OR4Q3: variants seen among roughly 807,000 people sequenced by gnomAD.
The protein encoded by OR4Q3 is olfactory receptor family 4 subfamily Q member 3, also known as olfactory receptor 4Q3.
OR4Q3 carries 17 observed loss-of-function variants against 18.8 expected under a neutral mutation model. That is an observed-to-expected ratio of 0.91 (90% CI 0.62 to 1.36). The LOEUF (loss-of-function observed/expected upper bound fraction) is 1.36. OR4Q3 is among the 40% of genes most tolerant of loss of function. OR4Q3 has a pLI of 0.00. For synonymous variants in OR4Q3, 158 were observed against 145.8 expected (o/e 1.08, Z -0.60); for missense variants, 378 against 373.4 (o/e 1.01, Z -0.10).
chr14:19,748,406 T>C, exon 2 of OR4Q3: 3 of 1,473,666 alleles, frequency 2.0e-6, no homozygotes, highest in Admixed American at 1.9e-5. Context: ...AAACACACTC[T>C]TTCTTGGAAG....
In OR4Q3 at chr14:19,747,906, A is replaced by C; in HGVS notation, c.503A>C (p.Gln168Pro). Reference sequence around the variant, plus strand: ...GGGGGTTTTATCCACTCTATCATGCAGGTCATACTAGTCATCCAGCTGCCT... The same window carrying C: ...GGGGGTTTTATCCACTCTATCATGCCGGTCATACTAGTCATCCAGCTGCCT... Residue 168 changes from glutamine to proline, a missense_variant, in exon 2 of 2, where the codon CAG becomes CCG. By Grantham distance (76) the Gln-to-Pro change is moderately conservative. Transcript: ENST00000642117. The C allele has an allele frequency of 3.1e-6, 5 of 1,613,908 alleles. No individual in the cohort carries two copies. The highest frequency in any genetic ancestry group is 2.7e-5 in the African/African-American group (2 of 74,940).
exon 2 of OR4Q3, chr14:19,747,451 T>C: frequency 1.2e-6 from 2 of 1,607,218 alleles, no homozygotes; most frequent in Non-Finnish European, 1.7e-6. Context: ...AAGATTCTAA[T>C]GTGACAGAAT....
chr14:19,750,523 TTA>T, downstream of OR4Q3, among the ~76,000 whole-genome samples: 1 of 152,238 alleles, frequency 6.6e-6, no homozygotes, highest in Non-Finnish European at 1.5e-5. Context: ...AGAGAGGCTT[TTA>T]TGATTACTTA....
chr14:19,744,331 A>T (rs1451601348), intron 1 of OR4Q3, among the ~76,000 whole-genome samples: 1 of 152,200 alleles, frequency 6.6e-6, no homozygotes, highest in Non-Finnish European at 1.5e-5. Context: ...CTAATAATGC[A>T]TTTAGCTCCA....
chr14:19,748,005 C>T, exon 2 of OR4Q3: 3 of 1,613,942 alleles, frequency 1.9e-6, no homozygotes, highest in Middle Eastern at 1.6e-4. Context: ...TGCATGGACA[C>T]CTATGTGGTA....
Position 19,747,620 on chromosome 14 carries a change from G to A in OR4Q3, c.217G>A (p.Gly73Ser). 8 of 1,613,960 alleles carry A rather than the reference G, an allele frequency of 5.0e-6. No homozygotes were observed. In the African/African-American group the frequency reaches 5.3e-5, roughly 11 times the overall value. Residue 73 changes from glycine to serine, a missense_variant, in exon 2 of 2, where the codon GGT becomes AGT. Physicochemically the swap from Gly to Ser is moderately conservative, Grantham distance 56. Transcript: ENST00000642117. ...CCAATCTCCTATGTATTATTTTTTA[G>A]GTCATCTCTCTTTCATTGACCTATG...
At chr14:19,743,818 T>A (rs1877369095) in intron 1 of OR4Q3, 147 bp downstream of exon 1, 1 of 152,200 alleles carries the variant, frequency 6.6e-6, no homozygotes, top group South Asian at 2.1e-4. Context: ...ATCATTTGAG[T>A]TTTTTGTTTT....
intron 1 of OR4Q3, among the ~76,000 whole-genome samples, chr14:19,744,886 C>A: frequency 6.6e-6 from 1 of 152,108 alleles, no homozygotes; most frequent in African/African-American, 2.4e-5. Context: ...ACGGAACAGT[C>A]ACAGGCTTAA....
At chr14:19,750,230 C>T, downstream of OR4Q3, among the ~76,000 whole-genome samples, 4 of 152,282 alleles carry the variant, frequency 2.6e-5, no homozygotes, top group African/African-American at 9.6e-5. Context: ...GGTGATCTGC[C>T]TGCCTCAGCC....
chr14:19,751,240 G>A, downstream of OR4Q3, among the ~76,000 whole-genome samples: 13 of 152,302 alleles, frequency 8.5e-5, no homozygotes, highest in Middle Eastern at 3.4e-3. Context: ...CTACTTGATC[G>A]TGGTGAATTA....
At chr14:19,751,153 A>T, downstream of OR4Q3, among the ~76,000 whole-genome samples, 2 of 152,242 alleles carry the variant, frequency 1.3e-5, no homozygotes, top group Non-Finnish European at 1.5e-5. Flanking sequence ...AATTGGTAGC[A>T]TTATTTTAAG....
chr14:19,746,206 T>A, intron 1 of OR4Q3, among the ~76,000 whole-genome samples: 1 of 152,088 alleles, frequency 6.6e-6, no homozygotes, highest in South Asian at 2.1e-4. Context: ...TAAAATTTTG[T>A]CTTATTTCAT....
intron 1 of OR4Q3, among the ~76,000 whole-genome samples, chr14:19,746,154 A>G: frequency 6.6e-6 from 1 of 152,154 alleles, no homozygotes; most frequent in East Asian, 1.9e-4. Flanking sequence ...ATGACTTGAT[A>G]GAACCCAGTG....
chr14:19,746,925 C>A, intron 1 of OR4Q3, among the ~76,000 whole-genome samples: 7 of 152,126 alleles, frequency 4.6e-5, no homozygotes, highest in Non-Finnish European at 8.8e-5. Flanking sequence ...TTATGGTGCA[C>A]ATAGGCATTA....
At chr14:19,748,033 C>A in exon 2 of OR4Q3, 3 of 1,614,024 alleles carry the variant, frequency 1.9e-6, no homozygotes, top group South Asian at 1.1e-5. Context: ...TGGTGATAGC[C>A]AACAGTGGTC....
downstream of OR4Q3, among the ~76,000 whole-genome samples, chr14:19,750,092 C>T: frequency 6.6e-6 from 1 of 152,066 alleles, no homozygotes; most frequent in Non-Finnish European, 1.5e-5. Flanking sequence ...TCAAGTGATC[C>T]TCTTGCCTCA....
Position 19,748,325 on chromosome 14 carries a change from A to G in OR4Q3, c.922A>G (p.Lys308Glu). Reference sequence around the variant, plus strand: ...AAATACTGATATGAAGACAGCTATGAAGAAGCTGAGGATAAAACCATGTGG... The same window carrying G: ...AAATACTGATATGAAGACAGCTATGGAGAAGCTGAGGATAAAACCATGTGG... Residue 308 changes from lysine (K) to glutamate (E), a missense_variant, in exon 2 of 2, where the codon AAG (lysine) becomes GAG (glutamate). By Grantham distance (56) the Lys-to-Glu change is moderately conservative. Transcript: ENST00000642117. 1 of 1,612,872 alleles carries G rather than the reference A, an allele frequency of 6.2e-7. No homozygotes were observed.
At chr14:19,745,323 T>G in intron 1 of OR4Q3, among the ~76,000 whole-genome samples, 2 of 152,216 alleles carry the variant, frequency 1.3e-5, no homozygotes, top group African/African-American at 4.8e-5. Context: ...TATTCTTCCC[T>G]TATTTAATCT....
chr14:19,748,716 G>A, exon 2 of OR4Q3: 1 of 232,222 alleles, frequency 4.3e-6, no homozygotes, highest in East Asian at 8.9e-5. Context: ...AATGAAAGAA[G>A]ATATATCTCT....
Sources: allele counts gnomAD v4.1 joint callset (sites outside exome capture counted in the v4.1 genomes callset), GRCh38; gene constraint gnomAD v4.1.1; transcripts MANE v1.5; gene names NCBI Gene and HGNC (gene_info 2026-07-23, HGNC 2026-07-21).